COG5: variants seen among roughly 807,000 people sequenced by gnomAD.
COG5 encodes conserved oligomeric Golgi complex subunit 5.
COG5 carries 86 observed loss-of-function variants against 110.4 expected under a neutral mutation model. That is an observed-to-expected ratio of 0.78 (90% CI 0.65 to 0.93). The LOEUF is 0.93. Ranked by LOEUF, COG5 falls within the 40% of genes least tolerant of loss-of-function variation. The probability of loss-of-function intolerance (pLI) is 0.00; values close to 1 mark genes in which losing one functional copy is unlikely to be tolerated. For missense variants in COG5, 1,077 were observed against 987.0 expected, an observed-to-expected ratio of 1.09 and a Z score of -1.22; for synonymous variants, 360 against 334.6, an observed-to-expected ratio of 1.08 and a Z score of -0.83.
At chr7:107,436,014 TATG>T (rs1794342863) in intron 6 of COG5, among the ~76,000 whole-genome samples, 1 of 152,196 alleles carries the variant, frequency 6.6e-6, no homozygotes, top group Non-Finnish European at 1.5e-5. Context: ...ACTTGGAGGA[TATG>T]ATATTAAGTG....
At chr7:107,490,203 G>A (rs530327018) in intron 6 of COG5, among the ~76,000 whole-genome samples, 134 of 151,854 alleles carry the variant, frequency 8.8e-4, no homozygotes, top group Non-Finnish European at 1.1e-3. Flanking sequence ...CCCCCATCCC[G>A]CTCCTCCTCC....
At chr7:107,431,029 AAAAC>A (rs1414338716) in intron 6 of COG5, among the ~76,000 whole-genome samples, 4 of 152,284 alleles carry the variant, frequency 2.6e-5, no homozygotes, top group Middle Eastern at 3.4e-3. Context: ...AACAAAACCA[AAAAC>A]AAACAAACAG....
chr7:107,542,927 G>A (rs1217840349), intron 5 of COG5, among the ~76,000 whole-genome samples: 1 of 149,178 alleles, frequency 6.7e-6, no homozygotes, highest in African/African-American at 2.5e-5. Context: ...AGCCAAGATC[G>A]CTCCATTGCA....
intron 6 of COG5, among the ~76,000 whole-genome samples, chr7:107,414,109 T>C (rs1397972948): frequency 5.9e-5 from 9 of 152,226 alleles, no homozygotes; most frequent in African/African-American, 9.6e-5. Flanking sequence ...ATAACAGATA[T>C]AACTGTTCAA....
intron 6 of COG5, among the ~76,000 whole-genome samples, chr7:107,507,620 TA>T (rs1799126962): frequency 6.6e-6 from 1 of 152,032 alleles, no homozygotes; most frequent in Admixed American, 6.6e-5. Context: ...TAAAACTTTC[TA>T]AAATCTTCAC....
intron 6 of COG5, among the ~76,000 whole-genome samples, chr7:107,479,495 T>C (rs1003958558): frequency 1.3e-5 from 2 of 152,100 alleles, no homozygotes; most frequent in Non-Finnish European, 2.9e-5. Flanking sequence ...TGGCACTAGC[T>C]TGACAAGGGA....
At chr7:107,248,163 T>C (rs1233533579) in intron 17 of COG5, among the ~76,000 whole-genome samples, 1 of 152,124 alleles carries the variant, frequency 6.6e-6, no homozygotes, top group African/African-American at 2.4e-5. Context: ...TGTAACGTGA[T>C]ACTGTTCATA....
chr7:107,449,969 C>G (rs1795237354), intron 6 of COG5: 1 of 152,142 alleles, frequency 6.6e-6, no homozygotes, highest in Non-Finnish European at 1.5e-5. Flanking sequence ...GGTAAAGGAT[C>G]TAAAGCTGGA....
chr7:107,422,296 T>C (rs1018992435), intron 6 of COG5, among the ~76,000 whole-genome samples: 5 of 152,214 alleles, frequency 3.3e-5, no homozygotes, highest in African/African-American at 1.2e-4. Flanking sequence ...TCCCAGGCTG[T>C]TGATTTTTAA....
chr7:107,474,282 C>A lies in COG5; in HGVS notation c.538+52955G>T. 6.2e-7 allele frequency: 1 copy of A among 1,611,822 alleles called. No individual in the cohort carries two copies. Among genetic ancestry groups the A allele is most frequent in the Non-Finnish European group, 8.5e-7 (1 of 1,178,170 alleles). Reference sequence around the variant, plus strand: ...ACTGCATGAAATCCAACTTAATCAACTCTGTCAGTAACATTATTACAATGA... The same window carrying A: ...ACTGCATGAAATCCAACTTAATCAAATCTGTCAGTAACATTATTACAATGA... On this transcript the variant is annotated intron_variant, in intron 6 of 21. Transcript: ENST00000297135. This position sits in a 1 kb window ranked among gnomAD's most constrained non-coding sequence, Gnocchi z 5.7.
At chr7:107,220,483 G>C (rs1322081769) in intron 19 of COG5, among the ~76,000 whole-genome samples, 1 of 152,192 alleles carries the variant, frequency 6.6e-6, no homozygotes, top group Non-Finnish European at 1.5e-5. Flanking sequence ...ACTGACTCTG[G>C]GTTGGAATGA....
intron 7 of COG5, among the ~76,000 whole-genome samples, chr7:107,400,222 G>A (rs1016572062): frequency 6.6e-6 from 1 of 151,838 alleles, no homozygotes; most frequent in Non-Finnish European, 1.5e-5. Context: ...TAATAAAAGA[G>A]GAACAAATTA....
chr7:107,397,078 C>T (rs879415634), intron 7 of COG5, among the ~76,000 whole-genome samples: 2 of 152,142 alleles, frequency 1.3e-5, no homozygotes, highest in Non-Finnish European at 2.9e-5. Flanking sequence ...TAGCCTGAGC[C>T]GATGTTGACA....
intron 6 of COG5, among the ~76,000 whole-genome samples, chr7:107,419,340 T>G (rs1013940852): frequency 1.3e-5 from 2 of 151,916 alleles, no homozygotes; most frequent in African/African-American, 4.8e-5. Flanking sequence ...TCACAATATA[T>G]AAAACCAATA....
intron 6 of COG5, among the ~76,000 whole-genome samples, chr7:107,429,767 G>A (rs1474300633): frequency 6.6e-6 from 1 of 152,112 alleles, no homozygotes; most frequent in East Asian, 1.9e-4. Flanking sequence ...GTTTTATGAA[G>A]GAGAGTTTCC....
At chr7:107,548,015 TTC>T (rs2129172911) in intron 5 of COG5, 94 bp downstream of exon 5, 1 of 1,006,852 alleles carries the variant, frequency 9.9e-7, no homozygotes, top group African/African-American at 1.6e-5. Flanking sequence ...TCTGTTCCCA[TTC>T]TCTTACTTCT....
rs7792105 is a variant in COG5 at position 107,534,347 on chromosome 7, C to T, written c.418-6990G>A. 1.4e-3 allele frequency among the ~76,000 whole-genome samples: 210 copies of T among 151,528 alleles called. 16 individuals are homozygous for T. The highest frequency in any genetic ancestry group is 4.8e-3 in the African/African-American group (195 of 40,906). ...ATCCTAAATTTAAATGGGTTAAATG[C>T]TCCAATTAAAAGGCACAGACTGGCA... On this transcript the variant is annotated intron_variant, in intron 5 of 21. Coordinates refer to ENST00000297135, the MANE Select transcript of COG5 (RefSeq NM_006348.5).
At chr7:107,547,634 T>C (rs1175830206) in intron 5 of COG5, among the ~76,000 whole-genome samples, 1 of 152,156 alleles carries the variant, frequency 6.6e-6, no homozygotes, top group African/African-American at 2.4e-5. Context: ...TAAAGGACCC[T>C]AAAGACTCCA....
rs114233656 is a variant in COG5 at position 107,383,110 on chromosome 7, G to A, written c.670-10350C>T. Among the ~76,000 whole-genome samples the A allele has an allele frequency of 4.8e-3, 732 of 152,240 alleles. 8 individuals are homozygous for A. Among genetic ancestry groups the A allele is most frequent in the African/African-American group, 0.017 (713 of 41,532 alleles). ...GGAGCTAACCAAAGCCAAGCACCAC[G>A]CACCCAAATCCTGGCAAGCATGACT... On this transcript the variant is annotated intron_variant, in intron 7 of 21. Coordinates refer to ENST00000297135, the MANE Select transcript of COG5 (RefSeq NM_006348.5).
Sources: allele counts gnomAD v4.1 joint callset (sites outside exome capture counted in the v4.1 genomes callset), GRCh38; gene constraint gnomAD v4.1.1; non-coding constraint Gnocchi (gnomAD v3.1); transcripts MANE v1.5; gene names NCBI Gene and HGNC (gene_info 2026-07-23, HGNC 2026-07-21).